Variants in ARHGAP8 observed in about 807,000 individuals in gnomAD.
ARHGAP8 encodes rho GTPase-activating protein 8.
Under a neutral mutation model 46.1 loss-of-function variants are expected in ARHGAP8, and 62 were observed. The observed-to-expected ratio is 1.34, with a 90% CI of 1.10 to 1.66. ARHGAP8 has a LOEUF of 1.66. ARHGAP8 is among the 40% of genes most tolerant of loss of function. The probability of loss-of-function intolerance (pLI) is 0.00; values close to 1 mark genes in which losing one functional copy is unlikely to be tolerated. For synonymous variants in ARHGAP8, 375 were observed against 243.1 expected, an observed-to-expected ratio of 1.54 and a Z score of -5.05; for missense variants, 923 against 568.4, an observed-to-expected ratio of 1.62 and a Z score of -6.34.
At chr22:44,860,262 C>G (rs2349858) in intron 11 of ARHGAP8, among the ~76,000 whole-genome samples, 1 of 151,580 alleles carries the variant, frequency 6.6e-6, no homozygotes, top group Admixed American at 6.6e-5. Context: ...GTGACTGCAT[C>G]GTGGGTGCCT....
At chr22:44,861,776 T>G (rs936637739) in intron 11 of ARHGAP8, among the ~76,000 whole-genome samples, 2 of 151,962 alleles carry the variant, frequency 1.3e-5, no homozygotes, top group African/African-American at 2.4e-5. Context: ...GAGTAATGAC[T>G]CCCCCGTGCT....
At chr22:44,862,097 G>C (rs559614208) in intron 11 of ARHGAP8, among the ~76,000 whole-genome samples, 178 bp from the exon 12 acceptor site, 1 of 152,172 alleles carries the variant, frequency 6.6e-6, no homozygotes, top group African/African-American at 2.4e-5. Flanking sequence ...TTTAGAGATA[G>C]GGTAACTAAG....
intron 3 of ARHGAP8, among the ~76,000 whole-genome samples, chr22:44,803,005 T>C (rs921419347): frequency 1.3e-5 from 2 of 152,144 alleles, no homozygotes; most frequent in Admixed American, 6.6e-5. Context: ...CTGCTGCTGC[T>C]GCTGCCGCCA....
chr22:44,860,884 C>T (rs534245340), intron 11 of ARHGAP8, among the ~76,000 whole-genome samples: 6 of 152,334 alleles, frequency 3.9e-5, no homozygotes, highest in Admixed American at 1.3e-4. Flanking sequence ...AGAGCCTGAG[C>T]AGAGTAGGCG....
At chr22:44,840,823 G>A (rs761914570) in intron 7 of ARHGAP8, among the ~76,000 whole-genome samples, 1 of 152,244 alleles carries the variant, frequency 6.6e-6, no homozygotes, top group African/African-American at 2.4e-5. Context: ...GTCCTCGCGT[G>A]GAGAAAGGGG....
intron 10 of ARHGAP8, chr22:44,849,277 G>A (rs1022331769): frequency 2.2e-5 from 19 of 849,942 alleles, no homozygotes; most frequent in African/African-American, 5.2e-5. Context: ...AGGTGGGGTC[G>A]GTCAGGGTTG....
intron 11 of ARHGAP8, among the ~76,000 whole-genome samples, chr22:44,860,172 C>G (rs535209222): frequency 2.0e-5 from 3 of 152,092 alleles, no homozygotes; most frequent in Admixed American, 2.0e-4. Flanking sequence ...GCTGTGTCCA[C>G]CACTGGTACA....
chr22:44,813,878 G>A (rs1368867622), intron 4 of ARHGAP8, among the ~76,000 whole-genome samples: 1 of 152,086 alleles, frequency 6.6e-6, no homozygotes, highest in Non-Finnish European at 1.5e-5. Context: ...TACACAATTG[G>A]CTTCCAAAAA....
intron 8 of ARHGAP8, among the ~76,000 whole-genome samples, chr22:44,847,681 G>A (rs1223552321): frequency 6.6e-6 from 1 of 152,182 alleles, no homozygotes; most frequent in African/African-American, 2.4e-5. Context: ...AAACAAGGCA[G>A]ATAGGCTCAG....
At chr22:44,852,152 G>GCTGCA (rs1357999595) in intron 10 of ARHGAP8, among the ~76,000 whole-genome samples, 1 of 129,506 alleles carries the variant, frequency 7.7e-6, no homozygotes, top group Non-Finnish European at 1.6e-5. Context: ...AGATCGCACT[G>GCTGCA]CTGCACTCCA....
intron 10 of ARHGAP8, among the ~76,000 whole-genome samples, chr22:44,857,099 C>A (rs1601528054): frequency 7.0e-6 from 1 of 143,764 alleles, no homozygotes; most frequent in South Asian, 2.2e-4. Flanking sequence ...CACCACCACA[C>A]CCGGCTAATT....
At chr22:44,762,452 C>A (rs1925202329) in intron 1 of ARHGAP8, among the ~76,000 whole-genome samples, 2 of 149,908 alleles carry the variant, frequency 1.3e-5, no homozygotes, top group South Asian at 4.2e-4. Context: ...AAAAAAAAAT[C>A]TTTGTTAGGT....
intron 7 of ARHGAP8, among the ~76,000 whole-genome samples, chr22:44,842,129 C>A (rs567333673): frequency 6.6e-6 from 1 of 152,138 alleles, no homozygotes; most frequent in Non-Finnish European, 1.5e-5. Flanking sequence ...GAGGCTGGGG[C>A]GGGCGGATCA....
At chr22:44,839,511 C>T (rs986645717) in intron 7 of ARHGAP8, among the ~76,000 whole-genome samples, 4 of 152,218 alleles carry the variant, frequency 2.6e-5, no homozygotes, top group African/African-American at 7.2e-5. Context: ...AATCATCTGA[C>T]ATAGAGACGT....
At chr22:44,859,989 A>C (rs549073276) in intron 11 of ARHGAP8, among the ~76,000 whole-genome samples, 155 bp downstream of exon 11, 1 of 149,080 alleles carries the variant, frequency 6.7e-6, no homozygotes, top group South Asian at 2.2e-4. Flanking sequence ...ACCTCATCCA[A>C]GGCCTGGTCA....
chr22:44,759,379 G>A (rs530959492), intron 1 of ARHGAP8, among the ~76,000 whole-genome samples: 1 of 152,176 alleles, frequency 6.6e-6, no homozygotes, highest in South Asian at 2.1e-4. Context: ...TCCCAATCTG[G>A]GGTAGGCAGG....
At chr22:44,822,956 G>A (rs1930260457) in intron 6 of ARHGAP8, among the ~76,000 whole-genome samples, 1 of 152,230 alleles carries the variant, frequency 6.6e-6, no homozygotes, top group Non-Finnish European at 1.5e-5. Context: ...AGGCTGCCCA[G>A]AAAGGCGTAT....
At chr22:44,821,235 T>C (rs376585473) in intron 5 of ARHGAP8, among the ~76,000 whole-genome samples, 2 of 151,980 alleles carry the variant, frequency 1.3e-5, no homozygotes, top group Non-Finnish European at 2.9e-5. Context: ...ATCGAGACCA[T>C]CCTGGCTAAC....
chr22:44,844,103 C>A (rs569108781), intron 7 of ARHGAP8, among the ~76,000 whole-genome samples: 1 of 152,248 alleles, frequency 6.6e-6, no homozygotes, highest in African/African-American at 2.4e-5. Flanking sequence ...TCCAGAGTAG[C>A]TGGGATTACA....
Sources: gnomAD v4.1 joint callset for allele counts (sites outside exome capture counted in the v4.1 genomes callset) on GRCh38, gnomAD v4.1.1 for gene constraint, MANE v1.5 for transcripts, NCBI Gene and HGNC (gene_info 2026-07-23, HGNC 2026-07-21) for gene names.